The following GLG1 variants were observed in gnomAD, a reference collection of about 807,000 sequenced individuals.
GLG1 encodes Golgi apparatus protein 1.
Under a neutral mutation model 160.5 loss-of-function variants are expected in GLG1, and 38 were observed. That is an observed-to-expected ratio of 0.24 (90% CI 0.18 to 0.31). GLG1 has a LOEUF of 0.31. Ranked by LOEUF, GLG1 falls within the 10% of genes least tolerant of loss-of-function variation. The pLI is 1.00. For missense variants in GLG1, 1,373 were observed against 1,505.2 expected (o/e 0.91, Z 1.45); for synonymous variants, 644 against 543.4 (o/e 1.19, Z -2.57).
At chr16:74,496,884 A>T (rs927111646) in intron 4 of GLG1, among the ~76,000 whole-genome samples, 1 of 152,178 alleles carries the variant, frequency 6.6e-6, no homozygotes, top group Non-Finnish European at 1.5e-5. Flanking sequence ...GCATGCTACA[A>T]ATGGAAACAG....
At chr16:74,535,114 T>C (rs2017651658) in intron 1 of GLG1, among the ~76,000 whole-genome samples, 1 of 152,118 alleles carries the variant, frequency 6.6e-6, no homozygotes, top group African/African-American at 2.4e-5. Flanking sequence ...CCATCTCGAA[T>C]AACCCATGGG....
rs1319681923 is a variant in GLG1 at position 74,459,739 on chromosome 16, C to T, written c.3087G>A (p.Gln1029=). 2.5e-6 allele frequency: 4 copies of T among 1,611,214 alleles called. No individual in the cohort carries two copies. The highest frequency in any genetic ancestry group is 1.3e-5 in the African/African-American group (1 of 74,748). ...GGTTGACCTTGAGGCACTCCTCCAC[C>T]TGACCTGTCTGCTCTTGGGCTGCTG... ...EEAAAQEQTG[Q]VEECLKVNLL... is the part of the protein sequence containing the mutation. Residue 1029 remains glutamine, a synonymous_variant, in exon 23 of 26, where the codon CAG becomes CAA. Coordinates refer to ENST00000422840, the MANE Select transcript of GLG1 (RefSeq NM_001145667.2).
At chr16:74,472,532 A>C in intron 13 of GLG1, 121 bp from the exon 14 acceptor site, 3 of 1,439,074 alleles carry the variant, frequency 2.1e-6, no homozygotes, top group Non-Finnish European at 1.9e-6. Flanking sequence ...ATACTTTTGG[A>C]AACGATTCTA....
chr16:74,556,329 C>G (rs1392607093), intron 1 of GLG1, among the ~76,000 whole-genome samples: 1 of 152,120 alleles, frequency 6.6e-6, no homozygotes, highest in African/African-American at 2.4e-5. Context: ...TACAATAAAT[C>G]ATGACTTTAA....
chr16:74,567,554 CTTTTTTTTT>C (rs869140658), intron 1 of GLG1, among the ~76,000 whole-genome samples: 2 of 66,452 alleles, frequency 3.0e-5, no homozygotes, highest in Non-Finnish European at 5.2e-5. Flanking sequence ...GGTGCACTTT[CTTTTTTTTT>C]TTTTTTTTTT....
At chr16:74,516,126 G>A (rs1252096940) in intron 2 of GLG1, among the ~76,000 whole-genome samples, 3 of 151,574 alleles carry the variant, frequency 2.0e-5, no homozygotes, top group Non-Finnish European at 4.4e-5. Context: ...ACACCACACT[G>A]TCAACATTAG....
intron 1 of GLG1, among the ~76,000 whole-genome samples, chr16:74,585,248 A>C (rs1958022099): frequency 6.6e-6 from 1 of 151,860 alleles, no homozygotes; most frequent in African/African-American, 2.4e-5. Flanking sequence ...TCTCTACTAA[A>C]AATACAAAAA....
chr16:74,447,940 G>A lies in GLG1; in HGVS notation c.*5227C>T, dbSNP rs992814014. ...GAGGCACTGTCTGAACTTTCCCCTGGCCCAGGGAGATTTCTCCACTGCACA... is the reference window on the plus strand; with the variant it reads ...GAGGCACTGTCTGAACTTTCCCCTGACCCAGGGAGATTTCTCCACTGCACA... On this transcript the variant is annotated 3_prime_UTR_variant, in exon 26 of 26. Transcript: ENST00000422840. 1 of 152,328 alleles carries A rather than the reference G, an allele frequency of 6.6e-6. No individual in the cohort carries two copies. Among genetic ancestry groups the A allele is most frequent in the Non-Finnish European group, 1.5e-5 (1 of 68,158 alleles). 9.4% of individuals were successfully genotyped at this position (152,328 alleles called of 1,614,324 possible).
rs377449240 is a variant in GLG1, at chr16:74,580,193, C to A, written c.438+26464G>T. 5.3e-5 allele frequency among the ~76,000 whole-genome samples: 8 copies of A among 152,110 alleles called. 1 individual carries two copies. The East Asian group carries it at 7.7e-4, about 15-fold the overall frequency. ...GTATAAAAGATGCTAAATCAAAAAA[C>A]CAAATTTTACGCCTGTGCAGTGGTT... On this transcript the variant is annotated intron_variant, in intron 1 of 25. Transcript: ENST00000422840.
intron 1 of GLG1, among the ~76,000 whole-genome samples, chr16:74,590,587 C>G (rs1885829957): frequency 6.9e-6 from 1 of 145,194 alleles, no homozygotes; most frequent in Non-Finnish European, 1.5e-5. Context: ...CACCACTGCA[C>G]TCCAGCCTGG....
At chr16:74,603,980 G>A (rs1958504685) in intron 1 of GLG1, among the ~76,000 whole-genome samples, 1 of 150,516 alleles carries the variant, frequency 6.6e-6, no homozygotes, top group Non-Finnish European at 1.5e-5. Context: ...TCATCCGAGA[G>A]CGTTAAAAAA....
In GLG1 at chr16:74,450,870, G is replaced by A. The variant is rs2014263386; in HGVS notation, c.*2297C>T. The A allele has an allele frequency of 6.6e-6, 1 of 151,036 alleles. No individual in the cohort carries two copies. The highest frequency in any genetic ancestry group is 1.9e-4 in the East Asian group (1 of 5,158). 9.4% of individuals were successfully genotyped at this position (151,036 alleles called of 1,614,324 possible). A position where few individuals can be genotyped will look rare whatever the true frequency, so the allele number is the denominator to read the frequency against. On this transcript the variant is annotated 3_prime_UTR_variant, in exon 26 of 26. Transcript: ENST00000422840. ...CTCAAAAAAAAAAAAAAAGACAGATGTTTCAAGAACCAAATTCCTCATCAA... is the reference window on the plus strand; with the variant it reads ...CTCAAAAAAAAAAAAAAAGACAGATATTTCAAGAACCAAATTCCTCATCAA...
intron 10 of GLG1, among the ~76,000 whole-genome samples, chr16:74,482,614 ACT>A (rs1305527332): frequency 6.6e-6 from 1 of 152,180 alleles, no homozygotes; most frequent in African/African-American, 2.4e-5. Flanking sequence ...TAATTCAGTA[ACT>A]CTGAATAAAT....
chr16:74,503,671 T>C lies in GLG1; in HGVS notation c.634A>G (p.Thr212Ala). The change falls in exon 4 of 26, where the codon ACT (threonine) becomes GCT (alanine). Residue 212 changes from threonine (T) to alanine (A), a missense_variant. By Grantham distance (58) the Thr-to-Ala change is moderately conservative. Around this residue, in one of 4 missense-constraint regions of GLG1, gnomAD observed 174 missense variants for 229.9 expected, o/e 0.76. Coordinates refer to ENST00000422840, the MANE Select transcript of GLG1 (RefSeq NM_001145667.2). Reference sequence around the variant, plus strand: ...ATGTACTGGTGACACTGATACTCAGTGATGTTGCCTCGGTGATCCACCAAG... The same window carrying C: ...ATGTACTGGTGACACTGATACTCAGCGATGTTGCCTCGGTGATCCACCAAG... ...SCLVDHRGNI[T>A]EYQCHQYITK... is the part of the protein sequence containing the mutation. The C allele has an allele frequency of 6.2e-7, 1 of 1,612,978 alleles. No individual in the cohort carries two copies.
At chr16:74,519,918 T>C (rs576955563) in intron 2 of GLG1, among the ~76,000 whole-genome samples, 3 of 152,322 alleles carry the variant, frequency 2.0e-5, no homozygotes, top group African/African-American at 7.2e-5. Flanking sequence ...TAAATCATCA[T>C]GTTGTTAGAT....
rs965761964 is a variant in GLG1 at position 74,567,701 on chromosome 16, T to C, written c.439-35548A>G. Among the ~76,000 whole-genome samples the C allele has an allele frequency of 1.5e-4, 22 of 151,426 alleles. No homozygotes were observed. The South Asian group carries it at 4.2e-3, about 29-fold the overall frequency. On this transcript the variant is annotated intron_variant, in intron 1 of 25. Transcript: ENST00000422840. The stretch of plus-strand genomic sequence containing the variant: ...CTCCTGCCTCAGCCTCCCGAGTAGC[T>C]GGGACTACAGGCGCCCGCCACCGCG...
chr16:74,509,121 A>G (rs2016715540), intron 2 of GLG1, among the ~76,000 whole-genome samples, 196 bp from the exon 3 acceptor site: 1 of 150,802 alleles, frequency 6.6e-6, no homozygotes, highest in Non-Finnish European at 1.5e-5. Context: ...AAATAAAAGG[A>G]TGACTATTCA....
intron 1 of GLG1, among the ~76,000 whole-genome samples, chr16:74,547,162 G>A (rs926198738): frequency 6.6e-6 from 1 of 151,314 alleles, no homozygotes; most frequent in South Asian, 2.1e-4. Flanking sequence ...TGCCTCCAAG[G>A]GGGATGTAGA....
intron 10 of GLG1, among the ~76,000 whole-genome samples, chr16:74,480,913 T>C (rs2015575318): frequency 6.6e-6 from 1 of 152,190 alleles, no homozygotes; most frequent in Admixed American, 6.5e-5. Context: ...GGCAGGAGAA[T>C]AACTTTCTAT....
Sources: gnomAD v4.1 joint callset for allele counts (sites outside exome capture counted in the v4.1 genomes callset) on GRCh38, gnomAD v4.1.1 for gene constraint, gnomAD v4.1.1 regional missense constraint, MANE v1.5 for transcripts, NCBI Gene and HGNC (gene_info 2026-07-23, HGNC 2026-07-21) for gene names.